Variants in MED12L observed in about 807,000 individuals in gnomAD.
MED12L encodes mediator complex subunit 12L, also known as mediator of RNA polymerase II transcription subunit 12-like protein.
Under a neutral mutation model 281.3 loss-of-function variants are expected in MED12L, and 60 were observed. The observed-to-expected ratio is 0.21, with a 90% CI of 0.17 to 0.26. MED12L has a LOEUF of 0.26. Among genes scored for constraint, MED12L ranks in the 10% least tolerant of loss-of-function variants. The pLI is 1.00. For synonymous variants in MED12L, 974 were observed against 987.2 expected, an observed-to-expected ratio of 0.99 and a Z score of 0.25; for missense variants, 2,146 against 2,680.9, an observed-to-expected ratio of 0.80 and a Z score of 4.41.
chr3:151,398,424 C>G (rs1006655371), intron 39 of MED12L, among the ~76,000 whole-genome samples: 2 of 152,190 alleles, frequency 1.3e-5, no homozygotes, highest in African/African-American at 2.4e-5. Flanking sequence ...AAATAACCCT[C>G]TAGTTCCACT....
intron 12 of MED12L, among the ~76,000 whole-genome samples, chr3:151,187,345 A>T (rs1334403782): frequency 6.6e-6 from 1 of 152,186 alleles, no homozygotes; most frequent in Non-Finnish European, 1.5e-5. Flanking sequence ...ACATACAAAC[A>T]TACACATTCC....
chr3:151,097,880 G>A (rs1245883540), intron 2 of MED12L, among the ~76,000 whole-genome samples: 3 of 152,182 alleles, frequency 2.0e-5, no homozygotes, highest in Non-Finnish European at 2.9e-5. Flanking sequence ...GGAGCACAAT[G>A]TTTCAGATAT....
intron 2 of MED12L, among the ~76,000 whole-genome samples, chr3:151,106,425 C>T (rs1331744326): frequency 6.6e-6 from 1 of 150,410 alleles, no homozygotes; most frequent in Non-Finnish European, 1.5e-5. Context: ...CCTCCTGCCT[C>T]AGCCTCCCAA....
chr3:151,224,676 C>G (rs570191890), intron 16 of MED12L, among the ~76,000 whole-genome samples: 8 of 152,318 alleles, frequency 5.3e-5, no homozygotes, highest in African/African-American at 1.9e-4. Flanking sequence ...CCTCCCACCC[C>G]CTATCTTTTG....
intron 5 of MED12L, among the ~76,000 whole-genome samples, chr3:151,139,245 A>G (rs1297278570): frequency 1.3e-5 from 2 of 151,956 alleles, no homozygotes; most frequent in African/African-American, 2.4e-5. Context: ...GGTGCATTCC[A>G]TGTTCATTGT....
rs768838297 is a variant in MED12L, at chr3:151,430,388, C to T, written c.6490+8C>T. 2 of 1,613,878 alleles carry T rather than the reference C, an allele frequency of 1.2e-6. No individual in the cohort carries two copies. The highest frequency in any genetic ancestry group is 1.3e-5 in the African/African-American group (1 of 74,884). ...TCCAGAAGCAGCTTTCCAGTAAGTA[C>T]CCCTGTGTGTCATGGAACAGACAGC... On this transcript the variant is annotated splice_region_variant and intron_variant, in intron 44 of 44. Coordinates refer to ENST00000687756, the MANE Select transcript of MED12L (RefSeq NM_001393769.1).
intron 3 of MED12L, among the ~76,000 whole-genome samples, chr3:151,116,935 C>T (rs1176883312): frequency 1.3e-5 from 2 of 152,178 alleles, no homozygotes; most frequent in Admixed American, 6.5e-5. Context: ...AGGTAGTCCT[C>T]TCTACCTCTT....
chr3:151,167,041 G>C (rs548176666), intron 11 of MED12L, among the ~76,000 whole-genome samples: 15 of 152,208 alleles, frequency 9.9e-5, no homozygotes, highest in African/African-American at 3.1e-4. Flanking sequence ...AACATAATCT[G>C]CTTTACTCAA....
intron 16 of MED12L, among the ~76,000 whole-genome samples, chr3:151,202,225 G>C (rs1008986943): frequency 2.6e-5 from 4 of 152,324 alleles, no homozygotes; most frequent in Admixed American, 6.5e-5. Context: ...CCTGTGTTCT[G>C]TGTCACAAGT....
intron 11 of MED12L, among the ~76,000 whole-genome samples, chr3:151,176,206 T>C (rs1043266149): frequency 4.6e-5 from 7 of 152,182 alleles, no homozygotes; most frequent in African/African-American, 1.7e-4. Flanking sequence ...TTGACAGTTA[T>C]TTAACCTTTA....
intron 16 of MED12L, among the ~76,000 whole-genome samples, chr3:151,298,454 C>G (rs1042992373): frequency 6.6e-6 from 1 of 152,176 alleles, no homozygotes; most frequent in Admixed American, 6.5e-5. Context: ...CATGATTTCC[C>G]CATCCCTTCT....
At chr3:151,412,211 G>T (rs888302296) in intron 41 of MED12L, among the ~76,000 whole-genome samples, 2 of 152,144 alleles carry the variant, frequency 1.3e-5, no homozygotes, top group Non-Finnish European at 2.9e-5. Flanking sequence ...GGTGTGTGAC[G>T]TGCACTGTGT....
intron 11 of MED12L, among the ~76,000 whole-genome samples, chr3:151,169,102 C>CT (rs1477471928): frequency 2.5e-4 from 33 of 134,522 alleles, no homozygotes; most frequent in African/African-American, 8.3e-4. Context: ...TTTTCTTTTT[C>CT]TTTGTTTTTT....
At chr3:151,374,762 C>T (rs1441623433) in intron 27 of MED12L, among the ~76,000 whole-genome samples, 1 of 152,006 alleles carries the variant, frequency 6.6e-6, no homozygotes, top group Non-Finnish European at 1.5e-5. Context: ...ATTTAAATTC[C>T]TTTCTTGTCC....
At chr3:151,118,818 C>T (rs930368139) in intron 3 of MED12L, among the ~76,000 whole-genome samples, 11 of 152,112 alleles carry the variant, frequency 7.2e-5, no homozygotes, top group South Asian at 6.2e-4. Flanking sequence ...CTCAGCCTCC[C>T]GAGTAGCTGG....
chr3:151,294,198 G>T, intron 16 of MED12L: 2 of 1,608,458 alleles, frequency 1.2e-6, no homozygotes, highest in Non-Finnish European at 1.7e-6. Flanking sequence ...TAATATATGC[G>T]AACTTCCGAT....
rs1384510947 is a variant in MED12L at position 151,435,272 on chromosome 3, G to A, written c.*2468G>A. On this transcript the variant is annotated 3_prime_UTR_variant, in exon 45 of 45. Transcript: ENST00000687756. Reference sequence around the variant, plus strand: ...TACCTATCAATCAATCACAGTTCTTGGATATAAGAAGCCCATAGACTCTCT... The same window carrying A: ...TACCTATCAATCAATCACAGTTCTTAGATATAAGAAGCCCATAGACTCTCT... The A allele has an allele frequency of 2.6e-5, 4 of 151,604 alleles. No individual in the cohort carries two copies. The highest frequency in any genetic ancestry group is 5.9e-5 in the Non-Finnish European group (4 of 67,934). The allele number at this position is 151,604 out of a possible 1,614,324, so 9.4% of individuals were successfully genotyped here.
chr3:151,093,123 T>C (rs1054170822), intron 2 of MED12L, among the ~76,000 whole-genome samples: 1 of 152,124 alleles, frequency 6.6e-6, no homozygotes, highest in African/African-American at 2.4e-5. Flanking sequence ...CTGGGCAACA[T>C]AGTGAGACAC....
chr3:151,348,515 G>A (rs1464198225), intron 16 of MED12L, among the ~76,000 whole-genome samples: 2 of 151,814 alleles, frequency 1.3e-5, no homozygotes, highest in Non-Finnish European at 2.9e-5. Flanking sequence ...GAAAATTTGG[G>A]AGAGGTACTC....
Sources: gnomAD v4.1 joint callset for allele counts (sites outside exome capture counted in the v4.1 genomes callset) on GRCh38, gnomAD v4.1.1 for gene constraint, MANE v1.5 for transcripts, NCBI Gene and HGNC (gene_info 2026-07-23, HGNC 2026-07-21) for gene names.